CD83: variants seen among roughly 807,000 people sequenced by gnomAD.
CD83 encodes the protein CD83 antigen.
In CD83, 22 loss-of-function variants were observed where a neutral mutation model predicts 24.6. The ratio of observed to expected loss-of-function variants is 0.90; its 90% CI spans 0.64 to 1.28. The LOEUF (loss-of-function observed/expected upper bound fraction) is 1.28, where lower values mean the gene tolerates loss of function less well. Ranked by LOEUF, CD83 falls within the 50% of genes most tolerant of loss-of-function variation. The pLI is 0.00. For missense variants in CD83, 253 were observed against 252.8 expected, an observed-to-expected ratio of 1.00 and a Z score of -0.01; for synonymous variants, 101 against 103.5, an observed-to-expected ratio of 0.98 and a Z score of 0.14.
intron 3 of CD83, 52 bp downstream of exon 3, chr6:14,131,800 C>A: frequency 8.2e-7 from 1 of 1,212,124 alleles, no homozygotes; most frequent in Non-Finnish European, 1.2e-6. Context: ...ATGTGTACTT[C>A]CTTTAGGTCC....
chr6:14,127,577 G>GT (rs1561830791), intron 2 of CD83, among the ~76,000 whole-genome samples: 1 of 146,840 alleles, frequency 6.8e-6, no homozygotes, highest in East Asian at 2.0e-4. Flanking sequence ...CTCCATTCAC[G>GT]TGCCCATACA....
In CD83 at chr6:14,136,775, C is replaced by T. The variant is rs762066772; in HGVS notation, c.*1539C>T. 1 of 152,110 alleles carries T rather than the reference C, an allele frequency of 6.6e-6. No individual in the cohort carries two copies. Among genetic ancestry groups the T allele is most frequent in the African/African-American group, 2.4e-5 (1 of 41,398 alleles). 9.4% of individuals were successfully genotyped at this position (152,110 alleles called of 1,614,324 possible). A position where few individuals can be genotyped will look rare whatever the true frequency, so the allele number is the denominator to read the frequency against. On this transcript the variant is annotated 3_prime_UTR_variant, in exon 5 of 5. Transcript: ENST00000379153. ...CTTAATACCTGGGTGATTACATAAT[C>T]TGTACAATGAACCCCCATGATGTAA...
chr6:14,132,262 C>A (rs1437041942), intron 3 of CD83, among the ~76,000 whole-genome samples: 1 of 152,186 alleles, frequency 6.6e-6, no homozygotes, highest in Non-Finnish European at 1.5e-5. Context: ...CCCAAGAGAA[C>A]AAGAACCTCT....
In CD83 at chr6:14,135,449, C is replaced by T. The variant is rs1027119090; in HGVS notation, c.*213C>T. On this transcript the variant is annotated 3_prime_UTR_variant, in exon 5 of 5. Coordinates refer to ENST00000379153, the MANE Select transcript of CD83 (RefSeq NM_004233.4). ...ACCACATAGCATGAGGCCACTGCTG[C>T]TTCTCCATGGCCACCTTTTCAGCGA... 8 of 503,072 alleles carry T rather than the reference C, an allele frequency of 1.6e-5. No individual in the cohort carries two copies. The highest frequency in any genetic ancestry group is 1.5e-4 in the African/African-American group (8 of 52,648). The allele number at this position is 503,072 out of a possible 1,614,324, so 31.2% of individuals were successfully genotyped here. A position where few individuals can be genotyped will look rare whatever the true frequency, so the allele number is the denominator to read the frequency against.
Position 14,133,709 on chromosome 6 carries a change from T to C in CD83, c.443T>C (p.Leu148Pro). 6.2e-7 allele frequency: 1 copy of C among 1,613,864 alleles called. No individual in the cohort carries two copies. The highest frequency in any genetic ancestry group is 1.3e-5 in the African/African-American group (1 of 75,006). ...AAATACAGAGCGGAGATTGTCCTGCTGCTGGCTCTGGTTATTTTCTACTTA... is the reference window on the plus strand; with the variant it reads ...AAATACAGAGCGGAGATTGTCCTGCCGCTGGCTCTGGTTATTTTCTACTTA... The part of the protein sequence containing the change: ...FKKYRAEIVL[L>P]LALVIFYLTL... Residue 148 changes from leucine (L) to proline (P), a missense_variant, in exon 4 of 5, where the codon CTG becomes CCG. Physicochemically the swap from Leu to Pro is moderately conservative, Grantham distance 98. Coordinates refer to ENST00000379153, the MANE Select transcript of CD83 (RefSeq NM_004233.4).
At chr6:14,126,762 TTTAA>T (rs1448802440) in intron 2 of CD83, among the ~76,000 whole-genome samples, 2 of 152,210 alleles carry the variant, frequency 1.3e-5, no homozygotes, top group Non-Finnish European at 2.9e-5. Context: ...ATATTGGCAC[TTTAA>T]TTGAGTTAGA....
chr6:14,122,672 C>CTA (rs1378116591), intron 2 of CD83, among the ~76,000 whole-genome samples: 26 of 152,132 alleles, frequency 1.7e-4, no homozygotes, highest in Admixed American at 1.6e-3. Flanking sequence ...CCATTGGCAC[C>CTA]TATAGTACTT....
At chr6:14,117,668 G>A, upstream of CD83, 2 of 522,470 alleles carry the variant, frequency 3.8e-6, no homozygotes, top group Non-Finnish European at 3.2e-6. This position sits in a 1 kb window ranked among gnomAD's most constrained non-coding sequence, Gnocchi z 4.6. Context: ...GGACTAGGAG[G>A]GCGCGCCACC....
At chr6:14,135,049 G>A in intron 4 of CD83, 59 bp from the exon 5 acceptor site, 1 of 1,574,958 alleles carries the variant, frequency 6.3e-7, no homozygotes, top group Non-Finnish European at 8.7e-7. Flanking sequence ...TTTAAAAGGA[G>A]GTGACAACTG....
chr6:14,123,807 AG>A (rs1759728091), intron 2 of CD83, among the ~76,000 whole-genome samples: 1 of 152,084 alleles, frequency 6.6e-6, no homozygotes, highest in Admixed American at 6.6e-5. Context: ...CATTAATAAA[AG>A]GGGGAACCTG....
At position 14,118,049 on chromosome 6, in the gene CD83, C is replaced by T. The variant is rs545562141; in HGVS notation, c.137C>T (p.Thr46Met). The T allele has an allele frequency of 1.9e-6, 3 of 1,608,128 alleles. No individual in the cohort carries two copies. The highest frequency in any genetic ancestry group is 2.2e-5 in the East Asian group (1 of 44,484). ...CCCTGGGATCCGCAGGTTCCCTACA[C>T]GGTCTCCTGGGTCAAGGTAGGTGCT... is the stretch of plus-strand genomic sequence containing the variant. ...TAPWDPQVPY[T>M]VSWVKLLEGG... Residue 46 changes from threonine (T) to methionine (M), a missense_variant, in exon 2 of 5, where the codon ACG becomes ATG. Thr to Met is a moderately conservative substitution (Grantham distance 81). Coordinates refer to ENST00000379153, the MANE Select transcript of CD83 (RefSeq NM_004233.4).
rs1338019591 is a variant in CD83 at position 14,135,852 on chromosome 6, A to G, written c.*616A>G. On this transcript the variant is annotated 3_prime_UTR_variant, in exon 5 of 5. Coordinates refer to ENST00000379153, the MANE Select transcript of CD83 (RefSeq NM_004233.4). ...TCATCTGGGAAAGACATCCATAAAGAAGCAATAAAGAAGAGTGCCACATTT... is the reference window on the plus strand; with the variant it reads ...TCATCTGGGAAAGACATCCATAAAGGAGCAATAAAGAAGAGTGCCACATTT... The G allele has an allele frequency of 6.6e-6, 1 of 152,248 alleles. No homozygotes were observed. The highest frequency in any genetic ancestry group is 2.4e-5 in the African/African-American group (1 of 41,452). The allele number at this position is 152,248 out of a possible 1,614,324, so 9.4% of individuals were successfully genotyped here.
chr6:14,130,886 ACT>A (rs1175464017), intron 2 of CD83, among the ~76,000 whole-genome samples: 6 of 152,102 alleles, frequency 3.9e-5, no homozygotes, highest in Admixed American at 2.6e-4. Context: ...TGACACATAC[ACT>A]CTCTATAAAG....
At chr6:14,118,962 A>G (rs1178936836) in intron 2 of CD83, among the ~76,000 whole-genome samples, 3 of 152,134 alleles carry the variant, frequency 2.0e-5, no homozygotes, top group Non-Finnish European at 4.4e-5. Context: ...ACGGGGGCAA[A>G]TCTCTGCACT....
intron 2 of CD83, among the ~76,000 whole-genome samples, chr6:14,130,036 C>T (rs921422768): frequency 6.6e-6 from 1 of 152,076 alleles, no homozygotes; most frequent in African/African-American, 2.4e-5. Flanking sequence ...TAGGTGCAAG[C>T]AAAGACAGTG....
intron 2 of CD83, 129 bp downstream of exon 2, chr6:14,118,194 C>G (rs1759586885): frequency 8.0e-6 from 5 of 626,190 alleles, no homozygotes; most frequent in South Asian, 2.0e-5. Context: ...CGCAGCTGAA[C>G]TTGGAGTACC....
chr6:14,122,931 G>C (rs761844086), intron 2 of CD83, among the ~76,000 whole-genome samples: 2 of 152,236 alleles, frequency 1.3e-5, no homozygotes, highest in Non-Finnish European at 2.9e-5. Flanking sequence ...GAGGTAACCA[G>C]TGATGTAGAA....
intron 2 of CD83, among the ~76,000 whole-genome samples, chr6:14,121,212 C>G (rs1759661108): frequency 6.6e-6 from 1 of 152,040 alleles, no homozygotes; most frequent in Non-Finnish European, 1.5e-5. Flanking sequence ...CCCTGTTTCC[C>G]AAGCTGGAGT....
chr6:14,124,986 A>G (rs2113392233), intron 2 of CD83, among the ~76,000 whole-genome samples: 1 of 152,330 alleles, frequency 6.6e-6, no homozygotes, highest in South Asian at 2.1e-4. Context: ...GACAACAGGG[A>G]GAAAGCTATT....
Sources: gnomAD v4.1 joint callset for allele counts (sites outside exome capture counted in the v4.1 genomes callset) on GRCh38, gnomAD v4.1.1 for gene constraint, Gnocchi (gnomAD v3.1) non-coding constraint, MANE v1.5 for transcripts, NCBI Gene and HGNC (gene_info 2026-07-23, HGNC 2026-07-21) for gene names.